The following NEK11 variants were observed in gnomAD, a reference collection of about 807,000 sequenced individuals.
The protein encoded by NEK11 is NIMA related kinase 11.
Under a neutral mutation model 80.7 loss-of-function variants are expected in NEK11, and 72 were observed. The observed-to-expected ratio is 0.89, with a 90% confidence interval of 0.74 to 1.08. NEK11 has a LOEUF of 1.08. Among genes scored for constraint, NEK11 ranks in the 50% least tolerant of loss-of-function variants. NEK11 has a pLI of 0.00. For missense variants in NEK11, 764 were observed against 763.6 expected (o/e 1.00, Z -0.01); for synonymous variants, 251 against 260.7 (o/e 0.96, Z 0.36).
chr3:131,216,295 A>G (rs1268099643), intron 14 of NEK11, among the ~76,000 whole-genome samples: 1 of 152,228 alleles, frequency 6.6e-6, no homozygotes, highest in African/African-American at 2.4e-5. Context: ...AATGAGATCT[A>G]CCATATTCAT....
intron 17 of NEK11, among the ~76,000 whole-genome samples, chr3:131,312,088 A>G (rs2096787781): frequency 6.6e-6 from 1 of 152,218 alleles, no homozygotes; most frequent in Non-Finnish European, 1.5e-5. Flanking sequence ...ATTGTCCAAG[A>G]GAGGGCATGT....
chr3:131,161,948 C>T (rs2091650007), intron 10 of NEK11, among the ~76,000 whole-genome samples: 1 of 152,042 alleles, frequency 6.6e-6, no homozygotes, highest in Admixed American at 6.6e-5. Context: ...TTACTGTAGC[C>T]CATTCTTTAC....
At chr3:131,228,078 T>TA (rs1036931801) in intron 14 of NEK11, among the ~76,000 whole-genome samples, 7 of 151,304 alleles carry the variant, frequency 4.6e-5, no homozygotes, top group African/African-American at 1.2e-4. Flanking sequence ...CAGTAACATT[T>TA]AAAAAAAAAG....
chr3:131,296,867 G>T (rs1236091728), intron 17 of NEK11, among the ~76,000 whole-genome samples: 2 of 151,408 alleles, frequency 1.3e-5, no homozygotes, highest in Non-Finnish European at 2.9e-5. Flanking sequence ...TGTGTCCATG[G>T]GTTCTCATTG....
intron 2 of NEK11, among the ~76,000 whole-genome samples, chr3:131,028,328 T>C (rs948425240): frequency 6.6e-6 from 1 of 152,226 alleles, no homozygotes; most frequent in Non-Finnish European, 1.5e-5. Flanking sequence ...GTAAAGCCCA[T>C]TGACCATCCT....
intron 5 of NEK11, among the ~76,000 whole-genome samples, chr3:131,113,910 CAAAAAA>C (rs35868059): frequency 9.8e-6 from 1 of 101,614 alleles, no homozygotes; most frequent in African/African-American, 3.6e-5. Context: ...GACTCCCTCT[CAAAAAA>C]AAAAAAAAAA....
At chr3:131,109,143 A>T (rs1438737499) in intron 4 of NEK11, among the ~76,000 whole-genome samples, 1 of 152,092 alleles carries the variant, frequency 6.6e-6, no homozygotes, top group African/African-American at 2.4e-5. Context: ...TTTTCTCCTT[A>T]TAAGGGTTTT....
Position 131,155,130 on chromosome 3 carries a change from T to C in NEK11, c.962+9T>C, listed in dbSNP as rs911396961. 26 of 1,569,492 alleles carry C rather than the reference T, an allele frequency of 1.7e-5. No homozygotes were observed. The highest frequency in any genetic ancestry group is 2.7e-5 in the African/African-American group (2 of 74,008). On this transcript the variant is annotated intron_variant, in intron 10 of 17. Coordinates refer to ENST00000383366, the MANE Select transcript of NEK11 (RefSeq NM_024800.5). ...CATATAATTAATGCCATGTAAGTAA[T>C]TGCTTTGTTTTTAAAAAGCCCATCG...
At chr3:131,145,322 A>G (rs887181950) in intron 7 of NEK11, among the ~76,000 whole-genome samples, 2 of 151,996 alleles carry the variant, frequency 1.3e-5, no homozygotes, top group African/African-American at 4.8e-5. Flanking sequence ...TCTTTTTATA[A>G]CCTTAATAAA....
intron 3 of NEK11, among the ~76,000 whole-genome samples, chr3:131,045,188 T>C (rs900790697): frequency 1.3e-5 from 2 of 152,118 alleles, no homozygotes; most frequent in African/African-American, 4.8e-5. Flanking sequence ...AATCAACAAT[T>C]GTCTATTTGT....
chr3:131,258,251 A>C (rs1365184391), intron 16 of NEK11, among the ~76,000 whole-genome samples: 2 of 152,092 alleles, frequency 1.3e-5, no homozygotes, highest in Non-Finnish European at 2.9e-5. Flanking sequence ...CAAATCTCAG[A>C]AACCATCACT....
At chr3:131,054,176 C>A (rs372110165) in intron 3 of NEK11, among the ~76,000 whole-genome samples, 2 of 152,236 alleles carry the variant, frequency 1.3e-5, no homozygotes, top group South Asian at 4.1e-4. Context: ...CATGGCAAAA[C>A]CCCATCTCTA....
At chr3:131,041,726 A>T (rs1275459970) in intron 3 of NEK11, among the ~76,000 whole-genome samples, 2 of 152,168 alleles carry the variant, frequency 1.3e-5, no homozygotes, top group African/African-American at 4.8e-5. Flanking sequence ...TCATAACTAT[A>T]CTTGGACATG....
intron 5 of NEK11, among the ~76,000 whole-genome samples, chr3:131,127,624 A>T (rs2083592757): frequency 6.6e-6 from 1 of 151,886 alleles, no homozygotes; most frequent in Admixed American, 6.6e-5. Flanking sequence ...TCACTTGTGT[A>T]TTTATTTCTA....
At chr3:131,290,788 G>T (rs1037493708) in intron 17 of NEK11, among the ~76,000 whole-genome samples, 1 of 151,936 alleles carries the variant, frequency 6.6e-6, no homozygotes, top group African/African-American at 2.4e-5. Context: ...TTTTTAAAAG[G>T]TGTCTTTAGT....
intron 14 of NEK11, among the ~76,000 whole-genome samples, chr3:131,183,274 T>C (rs1260803901): frequency 6.6e-6 from 1 of 152,208 alleles, no homozygotes; most frequent in Non-Finnish European, 1.5e-5. Context: ...CCAACTTCTT[T>C]TTTTAAAATT....
chr3:131,071,588 T>C (rs1186963116), intron 3 of NEK11, among the ~76,000 whole-genome samples: 1 of 152,038 alleles, frequency 6.6e-6, no homozygotes, highest in East Asian at 1.9e-4. Flanking sequence ...TGAATTCTGA[T>C]GTTTTTAAAT....
chr3:131,059,247 A>C (rs1037501716), intron 3 of NEK11, among the ~76,000 whole-genome samples: 10 of 152,206 alleles, frequency 6.6e-5, no homozygotes, highest in African/African-American at 9.6e-5. Flanking sequence ...AAGAAATTGT[A>C]TATGGTAATA....
intron 14 of NEK11, among the ~76,000 whole-genome samples, chr3:131,202,481 C>A (rs1323756251): frequency 6.6e-6 from 1 of 152,182 alleles, no homozygotes; most frequent in Non-Finnish European, 1.5e-5. Context: ...GCCCATGGAG[C>A]CTTCCTCACT....
Sources: allele counts gnomAD v4.1 joint callset (sites outside exome capture counted in the v4.1 genomes callset), GRCh38; gene constraint gnomAD v4.1.1; transcripts MANE v1.5; gene names NCBI Gene and HGNC (gene_info 2026-07-23, HGNC 2026-07-21).